WDR44: variants seen among roughly 807,000 people sequenced by gnomAD.
WDR44 encodes the protein WD repeat-containing protein 44.
Under a neutral mutation model 65.7 loss-of-function variants are expected in WDR44, and 9 were observed. The ratio of observed to expected loss-of-function variants is 0.14; its 90% CI spans 0.08 to 0.24. WDR44 has a LOEUF of 0.24. WDR44 is among the 10% of genes least tolerant of loss of function. The pLI is 1.00. For missense variants in WDR44, 425 were observed against 670.9 expected, an observed-to-expected ratio of 0.63 and a Z score of 4.05; for synonymous variants, 220 against 235.2, an observed-to-expected ratio of 0.94 and a Z score of 0.59.
chrX:118,355,144 A>G (rs1201855075), intron 1 of WDR44, among the ~76,000 whole-genome samples: 1 of 111,957 alleles, frequency 8.9e-6, no homozygotes, highest in Non-Finnish European at 1.9e-5. Flanking sequence ...AAAATATATT[A>G]CCTATCCATG....
intron 14 of WDR44, among the ~76,000 whole-genome samples, chrX:118,439,225 G>A (rs2057282257): frequency 9.1e-6 from 1 of 109,813 alleles, no homozygotes; most frequent in Admixed American, 9.9e-5. Flanking sequence ...TTTTTGGGGG[G>A]GAAATATGAC....
At chrX:118,436,927 C>T in intron 14 of WDR44, 103 bp downstream of exon 14, 1 of 794,251 alleles carries the variant, frequency 1.3e-6, no homozygotes, top group East Asian at 3.5e-5. Context: ...TTATTAACAG[C>T]TACATAGTTA....
chrX:118,432,939 G>A (rs376482015), intron 13 of WDR44, 45 bp downstream of exon 13: 5 of 1,086,169 alleles, frequency 4.6e-6, no homozygotes, highest in Non-Finnish European at 6.3e-6. Context: ...TGCGTATAAG[G>A]AGCTGATGCT....
chrX:118,395,208 T>G (rs2056855309), intron 5 of WDR44, 41 bp from the exon 6 acceptor site: 1 of 1,112,697 alleles, frequency 9.0e-7, no homozygotes, highest in South Asian at 2.0e-5. Context: ...TTTATAGAAA[T>G]TGATTCAGTC....
chrX:118,412,873 A>G (rs371329640), intron 12 of WDR44, among the ~76,000 whole-genome samples: 3 of 111,574 alleles, frequency 2.7e-5, no homozygotes, highest in East Asian at 5.7e-4. Flanking sequence ...AAGTCCCCAA[A>G]GTCCATTGTA....
At chrX:118,418,350 C>G (rs2057075176) in intron 12 of WDR44, among the ~76,000 whole-genome samples, 1 of 111,573 alleles carries the variant, frequency 9.0e-6, no homozygotes, top group Non-Finnish European at 1.9e-5. Context: ...GGCTGTTGTT[C>G]AGATTCGTTT....
At chrX:118,440,120 C>CAA (rs36033722) in intron 14 of WDR44, among the ~76,000 whole-genome samples, 19,372 of 68,532 alleles carry the variant, frequency 0.28, 3,019 homozygotes, top group Admixed American at 0.48. Context: ...ACCCCATCAC[C>CAA]AAAAAAAAAA....
intron 1 of WDR44, among the ~76,000 whole-genome samples, chrX:118,362,597 A>G (rs1602864413): frequency 1.8e-5 from 2 of 111,216 alleles, no homozygotes; most frequent in Middle Eastern, 9.3e-3. Flanking sequence ...TATTCAGTGC[A>G]TGCACTGTCT....
At chrX:118,421,205 T>G (rs901524979) in intron 12 of WDR44, among the ~76,000 whole-genome samples, 3 of 112,022 alleles carry the variant, frequency 2.7e-5, no homozygotes, top group African/African-American at 9.7e-5. Context: ...CCATACAGTT[T>G]CCAGGCATTG....
At chrX:118,413,603 T>C (rs2057029702) in intron 12 of WDR44, among the ~76,000 whole-genome samples, 1 of 112,205 alleles carries the variant, frequency 8.9e-6, no homozygotes, top group South Asian at 3.6e-4. Context: ...GTTGGATGTA[T>C]AGATTGTGAA....
At chrX:118,398,353 T>C in intron 7 of WDR44, 34 bp from the exon 8 acceptor site, 1 of 1,146,171 alleles carries the variant, frequency 8.7e-7, no homozygotes, top group African/African-American at 1.8e-5. Context: ...ATAGAAGAAA[T>C]GGCTTCTTTT....
At chrX:118,420,124 T>C (rs1216085237) in intron 12 of WDR44, among the ~76,000 whole-genome samples, 5 of 110,946 alleles carry the variant, frequency 4.5e-5, no homozygotes, top group Non-Finnish European at 7.6e-5. Context: ...CAACACTCAT[T>C]TAAATGCTTG....
At chrX:118,367,085 CAA>C (rs1227005307) in intron 1 of WDR44, among the ~76,000 whole-genome samples, 9 of 74,019 alleles carry the variant, frequency 1.2e-4, no homozygotes, top group African/African-American at 9.7e-5. Context: ...GACTCCGTCT[CAA>C]AAAAAAAAAA....
chrX:118,347,742 C>T (rs1248932832), intron 1 of WDR44, among the ~76,000 whole-genome samples: 2 of 112,120 alleles, frequency 1.8e-5, no homozygotes, highest in African/African-American at 6.5e-5. Flanking sequence ...CAAAAAGTTA[C>T]AGTAATAAAA....
intron 19 of WDR44, chrX:118,444,858 C>T (rs1015429076): frequency 3.4e-6 from 1 of 290,550 alleles, no homozygotes; most frequent in African/African-American, 2.8e-5. Context: ...CCTCAGCCTC[C>T]CAAAGTGCTG....
At chrX:118,371,532 GTATTAA>G (rs1028582787) in intron 1 of WDR44, among the ~76,000 whole-genome samples, 1 of 111,766 alleles carries the variant, frequency 8.9e-6, no homozygotes, top group Non-Finnish European at 1.9e-5. Flanking sequence ...TTTGTAATTA[GTATTAA>G]TATGTTGGAA....
chrX:118,379,132 C>A (rs910808524), intron 2 of WDR44, among the ~76,000 whole-genome samples: 1 of 110,505 alleles, frequency 9.0e-6, no homozygotes, highest in Admixed American at 9.8e-5. Context: ...CATGTACCAT[C>A]ACTATATATA....
intron 2 of WDR44, among the ~76,000 whole-genome samples, chrX:118,379,839 G>C (rs1320979834): frequency 3.6e-5 from 4 of 111,634 alleles, no homozygotes; most frequent in Non-Finnish European, 7.5e-5. Context: ...ATAACGTGTA[G>C]GGTTGAAATT....
chrX:118,395,155 A>G, intron 5 of WDR44, 94 bp from the exon 6 acceptor site: 1 of 805,724 alleles, frequency 1.2e-6, no homozygotes, highest in Non-Finnish European at 1.8e-6. Context: ...CCATTATCTG[A>G]ATTATGAAAT....
Sources: allele counts gnomAD v4.1 joint callset (sites outside exome capture counted in the v4.1 genomes callset), GRCh38; gene constraint gnomAD v4.1.1; transcripts MANE v1.5; gene names NCBI Gene and HGNC (gene_info 2026-07-23, HGNC 2026-07-21).